TMEM132D: variants seen among roughly 807,000 people sequenced by gnomAD.
TMEM132D encodes the protein mature OL transmembrane protein.
A neutral mutation model predicts 62.3 loss-of-function variants in TMEM132D; 21 were observed. The ratio of observed to expected loss-of-function variants is 0.34; its 90% CI spans 0.24 to 0.49. The LOEUF is 0.49. Ranked by LOEUF, TMEM132D falls within the 20% of genes least tolerant of loss-of-function variation. The pLI is 0.99. For synonymous variants in TMEM132D, 621 were observed against 575.6 expected, an observed-to-expected ratio of 1.08 and a Z score of -1.13; for missense variants, 1,346 against 1,402.8, an observed-to-expected ratio of 0.96 and a Z score of 0.65.
chr12:129,723,618 G>A (rs1868922852), intron 1 of TMEM132D, among the ~76,000 whole-genome samples: 1 of 152,148 alleles, frequency 6.6e-6, no homozygotes, highest in Non-Finnish European at 1.5e-5. Context: ...TCCTCACTGG[G>A]GTCTGTGATG....
intron 4 of TMEM132D, among the ~76,000 whole-genome samples, chr12:129,299,693 C>T (rs562760616): frequency 6.7e-6 from 1 of 148,390 alleles, no homozygotes; most frequent in East Asian, 2.0e-4. Flanking sequence ...ATAATTTTCA[C>T]TGCTTTATTG....
intron 4 of TMEM132D, among the ~76,000 whole-genome samples, chr12:129,220,241 G>C (rs1473057016): frequency 6.6e-6 from 1 of 152,040 alleles, no homozygotes; most frequent in Admixed American, 6.5e-5. Flanking sequence ...CCTGCTGCTT[G>C]TCATGACTAG....
chr12:129,245,522 G>A (rs1321827627), intron 4 of TMEM132D, among the ~76,000 whole-genome samples: 1 of 151,516 alleles, frequency 6.6e-6, no homozygotes, highest in African/African-American at 2.4e-5. Context: ...AAACATCTGT[G>A]TGCAGCCAAT....
intron 1 of TMEM132D, among the ~76,000 whole-genome samples, chr12:129,851,631 A>C (rs1873545935): frequency 6.6e-6 from 1 of 152,198 alleles, no homozygotes; most frequent in African/African-American, 2.4e-5. Flanking sequence ...TTTATTTTTA[A>C]GTGATGTGTG....
intron 3 of TMEM132D, among the ~76,000 whole-genome samples, chr12:129,397,933 G>C (rs1871479806): frequency 6.6e-6 from 1 of 152,068 alleles, no homozygotes; most frequent in African/African-American, 2.4e-5. Context: ...CTTTTCTTTG[G>C]GGCCAAAACC....
intron 1 of TMEM132D, among the ~76,000 whole-genome samples, chr12:129,790,518 C>G (rs1000888628): frequency 3.5e-4 from 53 of 152,304 alleles, no homozygotes; most frequent in African/African-American, 1.3e-3. Flanking sequence ...GCAACACCAT[C>G]AAGCCGTCCC....
At chr12:129,196,542 C>T (rs1878557545) in intron 5 of TMEM132D, among the ~76,000 whole-genome samples, 1 of 152,130 alleles carries the variant, frequency 6.6e-6, no homozygotes, top group African/African-American at 2.4e-5. Context: ...AATGTCTCAG[C>T]ACAGTAAAAT....
At chr12:129,657,454 G>A (rs1274354885) in intron 2 of TMEM132D, among the ~76,000 whole-genome samples, 1 of 152,168 alleles carries the variant, frequency 6.6e-6, no homozygotes, top group African/African-American at 2.4e-5. Flanking sequence ...AATGGGATAG[G>A]AGGGGGCTGA....
chr12:129,273,761 T>C (rs1228822444), intron 4 of TMEM132D, among the ~76,000 whole-genome samples: 1 of 151,672 alleles, frequency 6.6e-6, no homozygotes, highest in Non-Finnish European at 1.5e-5. Flanking sequence ...TACTGGGGAA[T>C]AGTCGAGTGG....
chr12:129,148,172 C>T (rs1876967691), intron 5 of TMEM132D, among the ~76,000 whole-genome samples: 1 of 152,118 alleles, frequency 6.6e-6, no homozygotes, highest in African/African-American at 2.4e-5. Context: ...CTCTTTGTAT[C>T]CATGGCACCT....
At chr12:129,161,455 A>C (rs1409187896) in intron 5 of TMEM132D, among the ~76,000 whole-genome samples, 2 of 152,194 alleles carry the variant, frequency 1.3e-5, no homozygotes, top group Admixed American at 1.3e-4. Flanking sequence ...AATGTTTCAG[A>C]GGGCTGGGTG....
chr12:129,146,615 C>T (rs1366043017), intron 5 of TMEM132D, among the ~76,000 whole-genome samples: 1 of 152,200 alleles, frequency 6.6e-6, no homozygotes, highest in Non-Finnish European at 1.5e-5. Context: ...AGACTCAACA[C>T]ACACTGTCAT....
At chr12:129,077,093 T>C (rs78283478) in intron 8 of TMEM132D, among the ~76,000 whole-genome samples, 1 of 152,236 alleles carries the variant, frequency 6.6e-6, no homozygotes, top group Admixed American at 6.5e-5. Flanking sequence ...GATTAGCTCA[T>C]GCCTGAGAGG....
chr12:129,797,952 A>G (rs764008810), intron 1 of TMEM132D, among the ~76,000 whole-genome samples: 1 of 152,208 alleles, frequency 6.6e-6, no homozygotes, highest in Non-Finnish European at 1.5e-5. Context: ...GGACTGGATC[A>G]TGGGGATGGA....
At chr12:129,090,220 T>C (rs1874862393) in intron 5 of TMEM132D, among the ~76,000 whole-genome samples, 1 of 152,174 alleles carries the variant, frequency 6.6e-6, no homozygotes, top group Non-Finnish European at 1.5e-5. Flanking sequence ...AAAAGCTGAA[T>C]GGCACATGCT....
intron 2 of TMEM132D, among the ~76,000 whole-genome samples, chr12:129,570,642 A>G (rs1373563584): frequency 6.6e-6 from 1 of 152,188 alleles, no homozygotes; most frequent in East Asian, 1.9e-4. Context: ...ATTCCAGTGC[A>G]ATTCTGGGTC....
chr12:129,566,255 G>A (rs1224751693), intron 2 of TMEM132D, among the ~76,000 whole-genome samples: 1 of 152,176 alleles, frequency 6.6e-6, no homozygotes, highest in Non-Finnish European at 1.5e-5. Context: ...TCAAATTACA[G>A]GTTGAAGGCA....
At chr12:129,478,902 A>G (rs911963791) in intron 3 of TMEM132D, among the ~76,000 whole-genome samples, 1 of 152,220 alleles carries the variant, frequency 6.6e-6, no homozygotes, top group Admixed American at 6.5e-5. Context: ...CCAAACTCAC[A>G]CTGACTTTTA....
At position 129,237,551 on chromosome 12, in the gene TMEM132D, TTC is replaced by T. The variant is rs149523132; in HGVS notation, c.1300-27890_1300-27889del. Among the ~76,000 whole-genome samples the T allele has an allele frequency of 3.6e-3, 541 of 152,332 alleles. 3 individuals carry two copies. The highest frequency in any genetic ancestry group is 0.012 in the African/African-American group (493 of 41,584). ...CCATATGTAAATTTCCCAGATTTCT[TTC>T]TGTTACTGATCTTAAATTTAATTTT... On this transcript the variant is annotated intron_variant, in intron 4 of 8. Transcript: ENST00000422113.
Sources: allele counts gnomAD v4.1 joint callset (sites outside exome capture counted in the v4.1 genomes callset), GRCh38; gene constraint gnomAD v4.1.1; transcripts MANE v1.5; gene names NCBI Gene and HGNC (gene_info 2026-07-23, HGNC 2026-07-21).